The following MPDZ variants were observed in gnomAD, a reference collection of about 807,000 sequenced individuals.
The protein encoded by MPDZ is multiple PDZ domain crumbs cell polarity complex component.
MPDZ carries 234 observed loss-of-function variants against 239.1 expected under a neutral mutation model. That is an observed-to-expected ratio of 0.98 (90% CI 0.88 to 1.09). The LOEUF (loss-of-function observed/expected upper bound fraction) is 1.09. Ranked by LOEUF, MPDZ falls within the 50% of genes least tolerant of loss-of-function variation. The probability of loss-of-function intolerance (pLI) is 0.00; values close to 1 mark genes in which losing one functional copy is unlikely to be tolerated. For missense variants in MPDZ, 3,175 were observed against 2,510.0 expected (o/e 1.26, Z -5.66); for synonymous variants, 1,048 against 881.3 (o/e 1.19, Z -3.35).
At chr9:13,172,089 AG>A (rs1216643031) in intron 21 of MPDZ, among the ~76,000 whole-genome samples, 1 of 152,202 alleles carries the variant, frequency 6.6e-6, no homozygotes, top group Non-Finnish European at 1.5e-5. Context: ...AGTTATTCGA[AG>A]TGCTATAGAA....
rs1175661788 is a variant in MPDZ at position 13,123,173 on chromosome 9, C to A, written c.4933G>T (p.Gly1645Trp). 2 of 1,612,514 alleles carry A rather than the reference C, an allele frequency of 1.2e-6. No individual in the cohort carries two copies. The highest frequency in any genetic ancestry group is 2.7e-5 in the African/African-American group (2 of 74,986). The part of the protein sequence containing the change: ...GRTGLGLSIV[G>W]GSDTLLGAII... ...CTCACCAGCAGCGTGTCTGAACCCC[C>A]AACGATGCTCAGGCCCAGCCCTGTT... The change falls in exon 36 of 47, where the codon GGG becomes TGG. Residue 1645 changes from glycine (G) to tryptophan (W), a missense_variant. By Grantham distance (184) the Gly-to-Trp change is radical. Transcript: ENST00000319217.
chr9:13,196,288 C>T lies in MPDZ; in HGVS notation c.1547-58G>A, dbSNP rs915846914. 1.4e-5 allele frequency: 17 copies of T among 1,191,812 alleles called. No homozygotes were observed. The African/African-American group carries it at 2.0e-4, about 14-fold the overall frequency. The allele number at this position is 1,191,812 out of a possible 1,614,324, so 73.8% of individuals were successfully genotyped here. On this transcript the variant is annotated intron_variant, in intron 12 of 46. Transcript: ENST00000319217. ...AACTACAGAAATCTCCACATCTTAACATCCTGTACCAAGGATTCTCTGATC... is the reference window on the plus strand; with the variant it reads ...AACTACAGAAATCTCCACATCTTAATATCCTGTACCAAGGATTCTCTGATC...
chr9:13,113,142 AATG>A (rs1942780640), intron 41 of MPDZ, 88 bp from the exon 42 acceptor site: 1 of 1,210,912 alleles, frequency 8.3e-7, no homozygotes, highest in Admixed American at 2.5e-5. Flanking sequence ...GATGGGACTA[AATG>A]ATAACCTAGG....
chr9:13,258,476 G>T (rs1011096116), intron 1 of MPDZ, among the ~76,000 whole-genome samples: 3 of 152,210 alleles, frequency 2.0e-5, no homozygotes, highest in African/African-American at 7.2e-5. Context: ...ATTCATAGTT[G>T]CCTCAGCAGT....
chr9:13,117,277 G>C (rs1943605618), intron 39 of MPDZ, among the ~76,000 whole-genome samples: 1 of 151,964 alleles, frequency 6.6e-6, no homozygotes, highest in Admixed American at 6.6e-5. Flanking sequence ...TAAAATAGTT[G>C]TCATGACACT....
Position 13,247,762 on chromosome 9 carries a change from G to C in MPDZ, c.56C>G (p.Thr19Ser), listed in dbSNP as rs1564125280. ...TACATCCCCACGTTCTCGCAGCTTG[G>C]TTTGCAAGCGCTCTGCTGCATGCAG... ...RALHAAERLQ[T>S]KLRERGDVAN... The change falls in exon 3 of 47, where the codon ACC becomes AGC. Residue 19 changes from threonine to serine, a missense_variant. Coordinates refer to ENST00000319217, the MANE Select transcript of MPDZ (RefSeq NM_001378778.1). 1.2e-6 allele frequency: 2 copies of C among 1,612,448 alleles called. No homozygotes were observed. Among genetic ancestry groups the C allele is most frequent in the Non-Finnish European group, 1.7e-6 (2 of 1,178,706 alleles).
At chr9:13,238,410 G>A (rs539629492) in intron 3 of MPDZ, among the ~76,000 whole-genome samples, 130 of 152,226 alleles carry the variant, frequency 8.5e-4, no homozygotes, top group African/African-American at 3.0e-3. Flanking sequence ...AGAGCCCTAC[G>A]TAAATCAGAC....
At chr9:13,268,217 T>C (rs1972210905) in intron 1 of MPDZ, among the ~76,000 whole-genome samples, 1 of 151,582 alleles carries the variant, frequency 6.6e-6, no homozygotes, top group African/African-American at 2.4e-5. Flanking sequence ...GTACTTATAA[T>C]ACATCCCAAA....
rs748915150 is a variant in MPDZ, at chr9:13,175,728, A to C, written c.3055+24T>G. The stretch of plus-strand genomic sequence containing the variant: ...TTGTCAAGGGGGTTGAGGAGTAGGT[A>C]TATGAGGAAAATGAGAAACTTACCT... On this transcript the variant is annotated intron_variant, in intron 21 of 46. Coordinates refer to ENST00000319217, the MANE Select transcript of MPDZ (RefSeq NM_001378778.1). 2.6e-6 allele frequency: 4 copies of C among 1,559,090 alleles called. No homozygotes were observed. The East Asian group carries it at 7.0e-5, about 27-fold the overall frequency.
chr9:13,200,683 A>G (rs976601078), intron 12 of MPDZ, among the ~76,000 whole-genome samples: 1 of 151,944 alleles, frequency 6.6e-6, no homozygotes, highest in Admixed American at 6.6e-5. Flanking sequence ...CACTGTTCAG[A>G]AGCATAGTAT....
rs1564061630 is a variant in MPDZ, at chr9:13,219,560, CGCAACTCTGGT to C, written c.1074_1084del (p.Pro359GlyfsTer2). 6.2e-7 allele frequency: 1 copy of C among 1,611,066 alleles called. No individual in the cohort carries two copies. The highest frequency in any genetic ancestry group is 2.2e-5 in the East Asian group (1 of 44,700). On this transcript the variant is annotated frameshift_variant and splice_region_variant, in exon 8 of 47. Transcript: ENST00000319217. LOFTEE classifies it high-confidence loss of function. ...CATTAACTACTCTTAACTACTTACC[CGCAACTCTGGT>C]GTTGAAGTTGGGGATGAGGAGAGGG...
At chr9:13,259,176 T>C (rs1970096667) in intron 1 of MPDZ, among the ~76,000 whole-genome samples, 2 of 152,094 alleles carry the variant, frequency 1.3e-5, no homozygotes, top group Non-Finnish European at 2.9e-5. Context: ...TTTAATATAA[T>C]GAGAGAGCTG....
Position 13,224,416 on chromosome 9 carries a change from A to T in MPDZ, c.351T>A (p.Pro117=). ...GPGIPHINGK[P]ACDEFDQLIK... ...TAAGCTGATCAAATTCATCACAAGC[A>T]GGTTTCCCATTAATGTGTGGAATAC... Residue 117 remains proline, a synonymous_variant, in exon 4 of 47, where the codon CCT becomes CCA. Coordinates refer to ENST00000319217, the MANE Select transcript of MPDZ (RefSeq NM_001378778.1). The T allele has an allele frequency of 3.1e-6, 5 of 1,612,776 alleles. No individual in the cohort carries two copies. The highest frequency in any genetic ancestry group is 4.2e-6 in the Non-Finnish European group (5 of 1,179,228).
chr9:13,160,669 G>T (rs1169174172), intron 23 of MPDZ, among the ~76,000 whole-genome samples: 1 of 151,378 alleles, frequency 6.6e-6, no homozygotes, highest in Non-Finnish European at 1.5e-5. Flanking sequence ...GCTGAGCTTT[G>T]TAAGTGTAAA....
chr9:13,163,017 G>A (rs759959241), intron 22 of MPDZ, among the ~76,000 whole-genome samples: 56 of 152,056 alleles, frequency 3.7e-4, no homozygotes, highest in Non-Finnish European at 6.3e-4. Flanking sequence ...AAATGCTGCT[G>A]ATTAACTATG....
At chr9:13,266,931 C>T (rs1409301172) in intron 1 of MPDZ, among the ~76,000 whole-genome samples, 1 of 152,186 alleles carries the variant, frequency 6.6e-6, no homozygotes, top group East Asian at 1.9e-4. Flanking sequence ...AAGTAACAAA[C>T]TAACTTTCCA....
chr9:13,193,099 A>C (rs969709565), intron 14 of MPDZ, 68 bp downstream of exon 14: 36 of 1,328,534 alleles, frequency 2.7e-5, no homozygotes, highest in South Asian at 1.2e-4. Flanking sequence ...TTTATTCACC[A>C]CATTAAGCCT....
At chr9:13,225,636 G>C (rs145630154) in intron 3 of MPDZ, among the ~76,000 whole-genome samples, 1 of 151,824 alleles carries the variant, frequency 6.6e-6, no homozygotes, top group East Asian at 1.9e-4. Flanking sequence ...AATTACCATT[G>C]TGCTACAACT....
intron 15 of MPDZ, 64 bp downstream of exon 15, chr9:13,192,067 A>T (rs547907256): frequency 5.3e-6 from 7 of 1,328,180 alleles, no homozygotes; most frequent in African/African-American, 1.5e-5. Flanking sequence ...TGCTTAAAAA[A>T]TTTTAAGCCA....
Sources: gnomAD v4.1 joint callset for allele counts (sites outside exome capture counted in the v4.1 genomes callset) on GRCh38, gnomAD v4.1.1 for gene constraint, MANE v1.5 for transcripts, NCBI Gene and HGNC (gene_info 2026-07-23, HGNC 2026-07-21) for gene names.